THSD4: variants seen among roughly 807,000 people sequenced by gnomAD.
THSD4 encodes thrombospondin type 1 domain containing 4.
In THSD4, 69 loss-of-function variants were observed where a neutral mutation model predicts 119.0. The observed-to-expected ratio is 0.58, with a 90% confidence interval of 0.48 to 0.71. THSD4 has a LOEUF of 0.71. Ranked by LOEUF, THSD4 falls within the 30% of genes least tolerant of loss-of-function variation. THSD4 has a pLI of 0.00. For missense variants in THSD4, 1,393 were observed against 1,391.1 expected (o/e 1.00, Z -0.02); for synonymous variants, 524 against 540.4 (o/e 0.97, Z 0.42).
At chr15:71,459,433 G>T (rs1187761401) in intron 7 of THSD4, among the ~76,000 whole-genome samples, 3 of 146,400 alleles carry the variant, frequency 2.0e-5, no homozygotes, top group Non-Finnish European at 3.0e-5. Flanking sequence ...TCGTCAACAT[G>T]CTCCTGAGCT....
At chr15:71,602,710 G>A (rs1328391947) in intron 7 of THSD4, among the ~76,000 whole-genome samples, 3 of 152,184 alleles carry the variant, frequency 2.0e-5, no homozygotes, top group Non-Finnish European at 4.4e-5. Flanking sequence ...GGCTGCCAGG[G>A]GCTGGGAGTA....
intron 1 of THSD4, among the ~76,000 whole-genome samples, chr15:71,135,998 T>TTTG (rs953274436): frequency 2.9e-5 from 4 of 139,514 alleles, no homozygotes; most frequent in African/African-American, 1.2e-4. Context: ...TTAGTTTTTT[T>TTTG]TTTTTTTTTT....
intron 6 of THSD4, among the ~76,000 whole-genome samples, chr15:71,382,899 T>G (rs2046245975): frequency 6.6e-6 from 1 of 152,210 alleles, no homozygotes; most frequent in Admixed American, 6.5e-5. Context: ...GTTCCAGTAT[T>G]TTAACTTACT....
chr15:71,465,865 T>C (rs2047491795), intron 7 of THSD4, among the ~76,000 whole-genome samples: 1 of 152,194 alleles, frequency 6.6e-6, no homozygotes, highest in Admixed American at 6.5e-5. Flanking sequence ...AGGGCATTTA[T>C]TGGCACTTCC....
chr15:71,492,012 T>C (rs2047927221), intron 7 of THSD4, among the ~76,000 whole-genome samples: 1 of 152,252 alleles, frequency 6.6e-6, no homozygotes, highest in Admixed American at 6.5e-5. Context: ...GGTGGAATAT[T>C]TCTTCTTCAT....
At chr15:71,607,786 G>C (rs1386097997) in intron 7 of THSD4, among the ~76,000 whole-genome samples, 1 of 152,206 alleles carries the variant, frequency 6.6e-6, no homozygotes, top group East Asian at 1.9e-4. Flanking sequence ...GAAGTGCCTA[G>C]AATCTGGAGG....
At chr15:71,721,374 A>G (rs2415117) in intron 8 of THSD4, among the ~76,000 whole-genome samples, 148,750 of 152,290 alleles carry the variant, frequency 0.98, 72,738 homozygotes, top group East Asian at 1. Context: ...GGGCATGGTG[A>G]CGCCTATAGT....
At chr15:71,543,616 C>T (rs73443842) in intron 7 of THSD4, among the ~76,000 whole-genome samples, 5,754 of 152,236 alleles carry the variant, frequency 0.038, 359 homozygotes, top group African/African-American at 0.13. Flanking sequence ...GAAACACTAG[C>T]TCAGTTTTAG....
intron 8 of THSD4, among the ~76,000 whole-genome samples, chr15:71,725,668 T>C (rs944748458): frequency 2.6e-5 from 4 of 152,016 alleles, no homozygotes; most frequent in East Asian, 1.9e-4. Context: ...GAAACACCCA[T>C]TGGATTTAGC....
intron 7 of THSD4, among the ~76,000 whole-genome samples, chr15:71,535,720 A>C (rs1347567468): frequency 3.3e-5 from 5 of 152,124 alleles, no homozygotes; most frequent in Admixed American, 2.6e-4. Context: ...CTTATTGACC[A>C]TTTGTATGTT....
chr15:71,598,472 A>T (rs576620321), intron 7 of THSD4, among the ~76,000 whole-genome samples: 1 of 152,268 alleles, frequency 6.6e-6, no homozygotes, highest in East Asian at 1.9e-4. Context: ...TGTAAAGGCC[A>T]GGAGTTGACT....
At chr15:71,321,013 G>T (rs1046539958) in intron 6 of THSD4, among the ~76,000 whole-genome samples, 9 of 152,096 alleles carry the variant, frequency 5.9e-5, no homozygotes, top group Non-Finnish European at 1.3e-4. Flanking sequence ...GAAAATAAAC[G>T]TTAAAACATT....
intron 6 of THSD4, among the ~76,000 whole-genome samples, chr15:71,325,928 C>G (rs573963034): frequency 2.1e-4 from 32 of 152,258 alleles, no homozygotes; most frequent in African/African-American, 7.5e-4. Context: ...TTTTTTTCCT[C>G]ACCCCTGAGT....
chr15:71,771,521 G>C (rs968041200), intron 17 of THSD4, among the ~76,000 whole-genome samples: 1 of 152,148 alleles, frequency 6.6e-6, no homozygotes, highest in Admixed American at 6.5e-5. Flanking sequence ...TTTAATTGTA[G>C]GTGCAAACCA....
chr15:71,172,704 T>TATATATATATATATATATGTGAC (rs2043388953), intron 3 of THSD4, among the ~76,000 whole-genome samples: 6 of 107,732 alleles, frequency 5.6e-5, no homozygotes, highest in African/African-American at 2.3e-4. Context: ...TATATATATA[T>TATATATATATATATATATGTGAC]ATATATATAT....
chr15:71,761,695 T>C (rs1397857704), intron 15 of THSD4, among the ~76,000 whole-genome samples: 1 of 152,218 alleles, frequency 6.6e-6, no homozygotes, highest in African/African-American at 2.4e-5. Context: ...GCTCCTTCTT[T>C]TATGTCCTGT....
chr15:71,589,449 G>A (rs35734461), intron 7 of THSD4, among the ~76,000 whole-genome samples: 28,007 of 137,056 alleles, frequency 0.2, 6,975 homozygotes, highest in Non-Finnish European at 0.24. Flanking sequence ...TTGCCCTCCT[G>A]GGTTCAAGGG....
At chr15:71,596,833 G>A (rs1304464549) in intron 7 of THSD4, among the ~76,000 whole-genome samples, 1 of 152,166 alleles carries the variant, frequency 6.6e-6, no homozygotes, top group Non-Finnish European at 1.5e-5. Flanking sequence ...TGGAAGAGTG[G>A]CAATGGTTTG....
At chr15:71,623,532 G>A (rs1207709045) in intron 7 of THSD4, among the ~76,000 whole-genome samples, 2 of 152,132 alleles carry the variant, frequency 1.3e-5, no homozygotes, top group Non-Finnish European at 2.9e-5. Flanking sequence ...ATAGAAATGA[G>A]AACTAGTCAA....
Sources: allele counts gnomAD v4.1 joint callset (sites outside exome capture counted in the v4.1 genomes callset), GRCh38; gene constraint gnomAD v4.1.1; transcripts MANE v1.5; gene names NCBI Gene and HGNC (gene_info 2026-07-23, HGNC 2026-07-21).